The following ARHGAP32 variants were observed in gnomAD, a reference collection of about 807,000 sequenced individuals.
ARHGAP32 encodes the protein rho GTPase-activating protein 32.
In ARHGAP32, 51 loss-of-function variants were observed where a neutral mutation model predicts 186.5. That is an observed-to-expected ratio of 0.27 (90% CI 0.22 to 0.35). ARHGAP32 has a LOEUF of 0.35. Ranked by LOEUF, ARHGAP32 falls within the 10% of genes least tolerant of loss-of-function variation. ARHGAP32 has a pLI of 1.00. For missense variants in ARHGAP32, 2,186 were observed against 2,623.5 expected, an observed-to-expected ratio of 0.83 and a Z score of 3.64; for synonymous variants, 950 against 964.3, an observed-to-expected ratio of 0.99 and a Z score of 0.27.
chr11:129,222,726 A>C (rs1944728112), intron 1 of ARHGAP32, among the ~76,000 whole-genome samples: 1 of 152,062 alleles, frequency 6.6e-6, no homozygotes, highest in Admixed American at 6.6e-5. Flanking sequence ...TTTTATGCAA[A>C]ATTTTTCCTG....
intron 2 of ARHGAP32, among the ~76,000 whole-genome samples, chr11:129,139,678 C>T (rs915265235): frequency 2.0e-5 from 3 of 152,086 alleles, no homozygotes; most frequent in Non-Finnish European, 2.9e-5. Context: ...CTTTGCCTGC[C>T]GCCATCCATG....
At chr11:129,239,713 C>T (rs2135663355) in intron 1 of ARHGAP32, among the ~76,000 whole-genome samples, 1 of 152,198 alleles carries the variant, frequency 6.6e-6, no homozygotes, top group South Asian at 2.1e-4. Flanking sequence ...GGCCATTTTC[C>T]AAATATGCTC....
chr11:129,106,676 A>C (rs1024188402), intron 5 of ARHGAP32, among the ~76,000 whole-genome samples: 4 of 152,212 alleles, frequency 2.6e-5, no homozygotes, highest in African/African-American at 9.7e-5. Context: ...CCTGAATCTA[A>C]TATAAAAGTT....
chr11:129,145,169 A>T (rs1275756081), intron 2 of ARHGAP32, among the ~76,000 whole-genome samples: 1 of 152,122 alleles, frequency 6.6e-6, no homozygotes, highest in Non-Finnish European at 1.5e-5. Context: ...GTTCCTATGA[A>T]ACTCTAAGAA....
intron 11 of ARHGAP32, among the ~76,000 whole-genome samples, chr11:129,036,858 T>G (rs562220954): frequency 6.6e-6 from 1 of 152,160 alleles, no homozygotes; most frequent in South Asian, 2.1e-4. Flanking sequence ...GTATTAGAGG[T>G]TCTCACAAGG....
intron 1 of ARHGAP32, among the ~76,000 whole-genome samples, chr11:129,270,327 A>G (rs1945458392): frequency 6.6e-6 from 1 of 152,198 alleles, no homozygotes. Flanking sequence ...AAGTATGGAA[A>G]CAGTAAAAAG....
intron 9 of ARHGAP32, among the ~76,000 whole-genome samples, chr11:129,063,074 C>A (rs1940566813): frequency 6.6e-6 from 1 of 152,042 alleles, no homozygotes; most frequent in African/African-American, 2.4e-5. Flanking sequence ...ATGCTGATAT[C>A]TATGATAAAA....
chr11:128,990,811 T>C (rs1183029952), intron 12 of ARHGAP32, among the ~76,000 whole-genome samples: 3 of 152,182 alleles, frequency 2.0e-5, no homozygotes, highest in Admixed American at 6.6e-5. Flanking sequence ...ATTTCAGTCT[T>C]CTGCTTCAAA....
intron 1 of ARHGAP32, among the ~76,000 whole-genome samples, chr11:129,205,004 T>C (rs1031275140): frequency 3.9e-5 from 6 of 152,110 alleles, no homozygotes; most frequent in African/African-American, 9.7e-5. Context: ...TCTGCTAAGT[T>C]TTATCCACTG....
Position 129,269,585 on chromosome 11 carries a change from G to A in ARHGAP32, c.-5+9561C>T, listed in dbSNP as rs114851841. ...CTACAAAAATTACAAAAATTAGCCC[G>A]GCACAGTGGCACGCACCTATAGTCT... On this transcript the variant is annotated intron_variant, in intron 1 of 6. Transcript: ENST00000525234. Among the ~76,000 whole-genome samples the A allele has an allele frequency of 4.0e-3, 607 of 152,076 alleles. 3 individuals carry two copies. The highest frequency in any genetic ancestry group is 0.013 in the African/African-American group (534 of 41,462).
At chr11:129,017,310 C>T (rs1318700831) in intron 11 of ARHGAP32, among the ~76,000 whole-genome samples, 2 of 151,776 alleles carry the variant, frequency 1.3e-5, no homozygotes, top group East Asian at 1.9e-4. Flanking sequence ...AAAAATTAGC[C>T]GGGTGTGGTG....
At chr11:129,065,680 T>TA (rs556704864) in intron 7 of ARHGAP32, among the ~76,000 whole-genome samples, 13 of 152,252 alleles carry the variant, frequency 8.5e-5, no homozygotes, top group African/African-American at 3.1e-4. Flanking sequence ...TTTTAGCACT[T>TA]AATGAACCCA....
At position 129,123,300 on chromosome 11, in the gene ARHGAP32, G is replaced by T. The variant is rs1239822934; in HGVS notation, c.444+146C>A. On this transcript the variant is annotated intron_variant, in intron 5 of 22. Coordinates refer to ENST00000682385, the MANE Select transcript of ARHGAP32 (RefSeq NM_001378024.1). The surrounding 1 kb of genome is among the most constrained non-coding windows in gnomAD (Gnocchi z 4.6). ...GTATTTGTCAATAGAAGAGAAGAAA[G>T]ATTTTACCTCAACCAATAAGACATC... 1.6e-5 allele frequency: 10 copies of T among 632,936 alleles called. No individual in the cohort carries two copies. The African/African-American group carries it at 1.9e-4, about 12-fold the overall frequency. The allele number at this position is 632,936 out of a possible 1,614,324, so 39.2% of individuals were successfully genotyped here. A position where few individuals can be genotyped will look rare whatever the true frequency, so the allele number is the denominator to read the frequency against.
chr11:129,271,328 G>C (rs577497082), intron 1 of ARHGAP32, among the ~76,000 whole-genome samples: 106 of 152,240 alleles, frequency 7.0e-4, no homozygotes, highest in African/African-American at 2.5e-3. Flanking sequence ...TATTATAAAG[G>C]TGGAGGTGAC....
Position 129,060,370 on chromosome 11 carries a change from T to C in ARHGAP32, c.963+1910A>G, listed in dbSNP as rs918824619. On this transcript the variant is annotated intron_variant, in intron 10 of 22. Coordinates refer to ENST00000682385, the MANE Select transcript of ARHGAP32 (RefSeq NM_001378024.1). ...ATAGATAGATAGATAGATAGATAGA[T>C]AGATAGATAGATAAGATAGACAGAC... Among the ~76,000 whole-genome samples the C allele has an allele frequency of 6.1e-5, 9 of 146,656 alleles. No homozygotes were observed. In the South Asian group the frequency reaches 8.6e-4, roughly 14 times the overall value.
At chr11:129,144,532 C>T (rs138601405) in intron 2 of ARHGAP32, among the ~76,000 whole-genome samples, 2 of 152,278 alleles carry the variant, frequency 1.3e-5, no homozygotes, top group East Asian at 3.9e-4. Flanking sequence ...CTGGGCACCA[C>T]AGACCAGGCT....
At chr11:129,047,796 A>T (rs1321735398) in intron 10 of ARHGAP32, among the ~76,000 whole-genome samples, 1 of 152,186 alleles carries the variant, frequency 6.6e-6, no homozygotes, top group Admixed American at 6.5e-5. Context: ...AGCACAGTTG[A>T]TCAAATAGAC....
intron 1 of ARHGAP32, among the ~76,000 whole-genome samples, chr11:129,229,037 A>T (rs966487191): frequency 1.3e-5 from 2 of 152,234 alleles, no homozygotes; most frequent in African/African-American, 2.4e-5. Context: ...AGGGGAAAAA[A>T]GTTAAAATTT....
At chr11:129,138,519 A>G (rs1242690416) in intron 2 of ARHGAP32, among the ~76,000 whole-genome samples, 1 of 152,126 alleles carries the variant, frequency 6.6e-6, no homozygotes, top group Non-Finnish European at 1.5e-5. Context: ...ATATTCTACC[A>G]TTCCTCCACT....
Sources: gnomAD v4.1 joint callset for allele counts (sites outside exome capture counted in the v4.1 genomes callset) on GRCh38, gnomAD v4.1.1 for gene constraint, Gnocchi (gnomAD v3.1) non-coding constraint, MANE v1.5 for transcripts, NCBI Gene and HGNC (gene_info 2026-07-23, HGNC 2026-07-21) for gene names.